The following MRPL37 variants were observed in gnomAD, a reference collection of about 807,000 sequenced individuals.
MRPL37 encodes the protein large ribosomal subunit protein mL37.
A neutral mutation model predicts 44.1 loss-of-function variants in MRPL37; 34 were observed. The ratio of observed to expected loss-of-function variants is 0.77; its 90% CI spans 0.59 to 1.03. The LOEUF is 1.03. Ranked by LOEUF, MRPL37 falls within the 50% of genes least tolerant of loss-of-function variation. The pLI is 0.00. For synonymous variants in MRPL37, 212 were observed against 219.5 expected, an observed-to-expected ratio of 0.97 and a Z score of 0.30; for missense variants, 532 against 543.7, an observed-to-expected ratio of 0.98 and a Z score of 0.21.
chr1:54,216,248 T>C lies in MRPL37; in HGVS notation c.1098T>C (p.Cys366=). ...AACTGAATACCACAGACCTGGACTGTAACGAGGGTGTCAAGAATTTGGCCT... is the reference window on the plus strand; with the variant it reads ...AACTGAATACCACAGACCTGGACTGCAACGAGGGTGTCAAGAATTTGGCCT... The part of the protein sequence containing the change: ...VFQLNTTDLD[C]NEGVKNLAWV... Residue 366 remains cysteine (C), a synonymous_variant, in exon 6 of 7, where the codon TGT becomes TGC. Transcript: ENST00000360840. 4 of 1,614,192 alleles carry C rather than the reference T, an allele frequency of 2.5e-6. No homozygotes were observed. The highest frequency in any genetic ancestry group is 3.4e-6 in the Non-Finnish European group (4 of 1,180,030).
chr1:54,223,463 G>A (rs1434556772), downstream of MRPL37, among the ~76,000 whole-genome samples: 1 of 152,226 alleles, frequency 6.6e-6, no homozygotes, highest in African/African-American at 2.4e-5. Context: ...TCACCAGGGA[G>A]CCAGACTGAG....
chr1:54,218,246 G>C lies in MRPL37; in HGVS notation c.1269G>C (p.Ala423=), dbSNP rs139672507. The C allele has an allele frequency of 1.9e-6, 3 of 1,614,190 alleles. No individual in the cohort carries two copies. The highest frequency in any genetic ancestry group is 2.5e-6 in the Non-Finnish European group (3 of 1,180,032). ...TAGCTCTATATTTGCATGGTGCTGC[G>C]TGAGCGGAGGACCCCTCTGAATCCT... ...KFLALYLHGA[A] The change falls in exon 7 of 7, where the codon GCG becomes GCC. Residue 423 remains alanine (A), a synonymous_variant. Coordinates refer to ENST00000360840, the MANE Select transcript of MRPL37 (RefSeq NM_016491.4).
At chr1:54,210,252 C>T in intron 4 of MRPL37, 121 bp downstream of exon 4, 1 of 927,208 alleles carries the variant, frequency 1.1e-6, no homozygotes, top group Non-Finnish European at 1.6e-6. Context: ...TTACCTATCT[C>T]CTAGGATCCA....
At chr1:54,201,275 G>T (rs141115736) in intron 1 of MRPL37, among the ~76,000 whole-genome samples, 1,663 of 152,168 alleles carry the variant, frequency 0.011, 16 homozygotes, top group Non-Finnish European at 0.017. Flanking sequence ...GTGATTAGGG[G>T]GGAAAAAAAA....
intron 4 of MRPL37, among the ~76,000 whole-genome samples, chr1:54,212,194 T>C (rs1346420594): frequency 2.0e-5 from 3 of 152,098 alleles, no homozygotes; most frequent in Non-Finnish European, 4.4e-5. Flanking sequence ...CTGTGAAGAG[T>C]CAAAACAGTA....
chr1:54,201,309 A>G (rs149088565), intron 1 of MRPL37, among the ~76,000 whole-genome samples: 13 of 152,308 alleles, frequency 8.5e-5, no homozygotes, highest in African/African-American at 3.1e-4. Flanking sequence ...AGATTGGGGG[A>G]CTAAGCCAGA....
chr1:54,208,197 T>C lies in MRPL37; in HGVS notation c.647-1749T>C, dbSNP rs377442691. On this transcript the variant is annotated intron_variant, in intron 3 of 6. Transcript: ENST00000360840. ...GAGGCTGTTTGACTGGCTAGGGTTT[T>C]CTCACTCTCAGTTGTTAAGGACAAT... Among the ~76,000 whole-genome samples the C allele has an allele frequency of 1.7e-4, 26 of 152,296 alleles. No homozygotes were observed. In the East Asian group the frequency reaches 2.7e-3, roughly 16 times the overall value.
At chr1:54,220,534 A>G (rs142705393), downstream of MRPL37, 2 of 398,768 alleles carry the variant, frequency 5.0e-6, no homozygotes, top group Non-Finnish European at 1.0e-5. Context: ...GGAGATGAGG[A>G]AACAGGCTTA....
chr1:54,210,710 C>T (rs1010694639), intron 4 of MRPL37, among the ~76,000 whole-genome samples: 17 of 152,204 alleles, frequency 1.1e-4, no homozygotes, highest in African/African-American at 4.1e-4. Flanking sequence ...GCATCTTCCT[C>T]ATAAACCCCT....
intron 3 of MRPL37, among the ~76,000 whole-genome samples, chr1:54,206,496 G>C (rs1375225574): frequency 2.0e-5 from 3 of 151,460 alleles, no homozygotes; most frequent in African/African-American, 7.3e-5. Flanking sequence ...TGCAACCTCT[G>C]CCTCCCGGGT....
At position 54,212,603 on chromosome 1, in the gene MRPL37, A is replaced by C. The variant is rs749703731; in HGVS notation, c.935A>C (p.Lys312Thr). The change falls in exon 5 of 7, where the codon AAG becomes ACG. Residue 312 changes from lysine (K) to threonine (T), a missense_variant. Transcript: ENST00000360840. ...CTTCAACCAGATCAGCTGCGGGCCA[A>C]GATGATCCTGTTTGCTTTTGGCAGT... ...HRLQPDQLRA[K>T]MILFAFGSAL... is the part of the protein sequence containing the mutation. The C allele has an allele frequency of 6.2e-7, 1 of 1,614,236 alleles. No homozygotes were observed. The highest frequency in any genetic ancestry group is 8.5e-7 in the Non-Finnish European group (1 of 1,180,042).
At chr1:54,223,472 A>G (rs1037002268), downstream of MRPL37, among the ~76,000 whole-genome samples, 7 of 152,184 alleles carry the variant, frequency 4.6e-5, no homozygotes. Context: ...AGCCAGACTG[A>G]GCAGCCTTCT....
At position 54,205,412 on chromosome 1, in the gene MRPL37, T is replaced by C; in HGVS notation, c.646+2T>C. ...CGTTTTCTGCTACCTGGAACCGAGG[T>C]TGGTCATCTTGTACACCAGAAAGCC... On this transcript the variant is annotated splice_donor_variant, in intron 3 of 6. Transcript: ENST00000360840. LOFTEE classifies it high-confidence loss of function. 1.2e-6 allele frequency: 2 copies of C among 1,611,092 alleles called. No homozygotes were observed. Among genetic ancestry groups the C allele is most frequent in the Non-Finnish European group, 1.7e-6 (2 of 1,177,532 alleles).
downstream of MRPL37, among the ~76,000 whole-genome samples, chr1:54,220,299 A>C (rs1251320331): frequency 6.6e-6 from 1 of 152,110 alleles, no homozygotes; most frequent in African/African-American, 2.4e-5. Flanking sequence ...TCAGCAGATG[A>C]CCTTGTAGCT....
chr1:54,201,572 A>G (rs1485465359), intron 1 of MRPL37, among the ~76,000 whole-genome samples: 4 of 152,220 alleles, frequency 2.6e-5, no homozygotes, highest in Non-Finnish European at 4.4e-5. Context: ...TGTGTATCCT[A>G]TGTTTTTGCT....
At chr1:54,217,697 A>G (rs974126977) in intron 6 of MRPL37, among the ~76,000 whole-genome samples, 11 of 151,814 alleles carry the variant, frequency 7.2e-5, no homozygotes, top group African/African-American at 2.7e-4. Context: ...TCTTTTTCCT[A>G]CTTCTGCAGT....
intron 1 of MRPL37, among the ~76,000 whole-genome samples, chr1:54,203,811 G>A (rs954019662): frequency 6.6e-6 from 1 of 152,094 alleles, no homozygotes; most frequent in Non-Finnish European, 1.5e-5. Context: ...CCCCAAACCT[G>A]GCCCTGAGCT....
At chr1:54,217,014 C>G (rs1431221341) in intron 6 of MRPL37, among the ~76,000 whole-genome samples, 5 of 152,188 alleles carry the variant, frequency 3.3e-5, no homozygotes, top group Admixed American at 2.6e-4. Context: ...CAGGCCTGCT[C>G]TCTGTGTAGT....
intron 1 of MRPL37, among the ~76,000 whole-genome samples, chr1:54,201,394 C>T (rs1485130974): frequency 1.3e-5 from 2 of 152,174 alleles, no homozygotes; most frequent in African/African-American, 4.8e-5. Context: ...TTCCTGAAAG[C>T]TGATTTTCAA....
Sources: gnomAD v4.1 joint callset for allele counts (sites outside exome capture counted in the v4.1 genomes callset) on GRCh38, gnomAD v4.1.1 for gene constraint, MANE v1.5 for transcripts, NCBI Gene and HGNC (gene_info 2026-07-23, HGNC 2026-07-21) for gene names.